The following RNF185 variants were observed in gnomAD, a reference collection of about 807,000 sequenced individuals.
RNF185 encodes E3 ubiquitin-protein ligase RNF185.
A neutral mutation model predicts 24.9 loss-of-function variants in RNF185; 13 were observed. The observed-to-expected ratio is 0.52, with a 90% confidence interval of 0.34 to 0.83. The LOEUF (loss-of-function observed/expected upper bound fraction) is 0.83, where lower values mean the gene tolerates loss of function less well. RNF185 is among the 40% of genes least tolerant of loss of function. The pLI is 0.01. For synonymous variants in RNF185, 79 were observed against 90.3 expected, an observed-to-expected ratio of 0.88 and a Z score of 0.71; for missense variants, 184 against 244.7, an observed-to-expected ratio of 0.75 and a Z score of 1.65.
At chr22:31,175,574 G>A (rs1480759723) in intron 1 of RNF185, among the ~76,000 whole-genome samples, 1 of 151,978 alleles carries the variant, frequency 6.6e-6, no homozygotes, top group Admixed American at 6.6e-5. Context: ...CTTCCCTGGG[G>A]GTATTCAGCA....
chr22:31,200,082 C>A (rs2048245918), intron 5 of RNF185, among the ~76,000 whole-genome samples: 1 of 152,206 alleles, frequency 6.6e-6, no homozygotes, highest in African/African-American at 2.4e-5. Context: ...GAAGGCCGGG[C>A]ACAGTGGCTC....
intron 1 of RNF185, among the ~76,000 whole-genome samples, chr22:31,160,775 C>T (rs1242406295): frequency 2.0e-5 from 3 of 152,164 alleles, no homozygotes; most frequent in Non-Finnish European, 4.4e-5. Context: ...TTTCTCGTCT[C>T]TAAAACGGGG....
intron 1 of RNF185, among the ~76,000 whole-genome samples, chr22:31,183,970 G>A (rs1191168004): frequency 0.025 from 22 of 874 alleles, no homozygotes; most frequent in Non-Finnish European, 0.043. Context: ...GTCCAGGCGG[G>A]GGCTGCCCCG....
chr22:31,195,129 T>A (rs2048193223), intron 3 of RNF185, among the ~76,000 whole-genome samples: 1 of 151,988 alleles, frequency 6.6e-6, no homozygotes, highest in African/African-American at 2.4e-5. Flanking sequence ...ATTTTTGTAT[T>A]TTTAGTAGAG....
intron 1 of RNF185, among the ~76,000 whole-genome samples, chr22:31,172,644 G>A (rs2047941489): frequency 6.7e-6 from 1 of 150,234 alleles, no homozygotes; most frequent in Non-Finnish European, 1.5e-5. Flanking sequence ...CGCTACTCAG[G>A]AGGCTGAGGC....
chr22:31,200,132 G>C (rs1452857796), intron 5 of RNF185, among the ~76,000 whole-genome samples: 1 of 152,138 alleles, frequency 6.6e-6, no homozygotes, highest in South Asian at 2.1e-4. Flanking sequence ...TGAGGTGGGA[G>C]GATCACTTGA....
At chr22:31,171,983 A>G (rs1437641346) in intron 1 of RNF185, among the ~76,000 whole-genome samples, 1 of 152,150 alleles carries the variant, frequency 6.6e-6, no homozygotes, top group Non-Finnish European at 1.5e-5. Flanking sequence ...AAAAGAAAGG[A>G]GAAGTGAGAT....
At chr22:31,168,525 A>T (rs1446396525) in intron 1 of RNF185, among the ~76,000 whole-genome samples, 1 of 152,212 alleles carries the variant, frequency 6.6e-6, no homozygotes, top group Non-Finnish European at 1.5e-5. Flanking sequence ...TACTGTGAAC[A>T]TTGATGTATA....
At chr22:31,181,865 G>A (rs2048040348) in intron 1 of RNF185, among the ~76,000 whole-genome samples, 1 of 139,638 alleles carries the variant, frequency 7.2e-6, no homozygotes, top group African/African-American at 2.5e-5. Flanking sequence ...GGGGTGGGGG[G>A]AGGGGGAAGG....
Position 31,187,145 on chromosome 22 carries a change from A to AG in RNF185, c.57dup (p.Pro20AlafsTer53), listed in dbSNP as rs1276879509. ...CTGCATCTCCTGAGAACTCCAGTGC[A>AG]GGGGGGCCCAGTGGGAGCAGCAATG... On this transcript the variant is annotated frameshift_variant, in exon 2 of 7. Transcript: ENST00000326132. LOFTEE classifies it high-confidence loss of function. 6.2e-7 allele frequency: 1 copy of AG among 1,613,496 alleles called. No homozygotes were observed.
intron 2 of RNF185, among the ~76,000 whole-genome samples, chr22:31,190,533 C>T (rs779150731): frequency 1.4e-4 from 22 of 151,750 alleles, no homozygotes; most frequent in Non-Finnish European, 2.6e-4. Flanking sequence ...GTGATCCAAC[C>T]GCCTCAGCCT....
chr22:31,171,150 G>GATTTATTTATTT (rs1344018155), intron 1 of RNF185, among the ~76,000 whole-genome samples: 21 of 71,400 alleles, frequency 2.9e-4, no homozygotes, highest in Admixed American at 5.5e-4. Flanking sequence ...GACCTTCTCT[G>GATTTATTTATTT]ATTTACTTAT....
At chr22:31,161,593 A>G (rs543051056) in intron 1 of RNF185, among the ~76,000 whole-genome samples, 1 of 152,364 alleles carries the variant, frequency 6.6e-6, no homozygotes, top group Non-Finnish European at 1.5e-5. Flanking sequence ...CTTTTTTCTA[A>G]GAACAAGTTG....
intron 1 of RNF185, among the ~76,000 whole-genome samples, chr22:31,174,223 G>T (rs769310027): frequency 3.3e-5 from 5 of 152,168 alleles, no homozygotes; most frequent in Non-Finnish European, 7.3e-5. Flanking sequence ...AAGTTGCAGA[G>T]CTGAGATTTG....
intron 1 of RNF185, among the ~76,000 whole-genome samples, chr22:31,165,294 T>A (rs1923850821): frequency 6.6e-6 from 1 of 152,178 alleles, no homozygotes; most frequent in African/African-American, 2.4e-5. Context: ...AAAAATTATA[T>A]CTCTCCTAGT....
intron 2 of RNF185, among the ~76,000 whole-genome samples, chr22:31,189,163 G>GTGTGTGTGTGTGTGTT: frequency 1.4e-5 from 2 of 140,464 alleles, no homozygotes; most frequent in Non-Finnish European, 3.0e-5. Context: ...GTGTGTGTGT[G>GTGTGTGTGTGTGTGTT]TTTGTGTTTG....
chr22:31,184,954 G>A (rs1484186978), intron 1 of RNF185, among the ~76,000 whole-genome samples: 1 of 148,622 alleles, frequency 6.7e-6, no homozygotes, highest in Non-Finnish European at 1.5e-5. Context: ...GGGAGGGGGA[G>A]GGAGAGCAAT....
At chr22:31,170,182 GT>G (rs762800753) in intron 1 of RNF185, among the ~76,000 whole-genome samples, 18 of 149,890 alleles carry the variant, frequency 1.2e-4, no homozygotes, top group South Asian at 2.1e-4. Context: ...GTGGTTTTTT[GT>G]TTTTTTTTTT....
intron 1 of RNF185, among the ~76,000 whole-genome samples, chr22:31,171,909 G>A (rs557528264): frequency 2.0e-5 from 3 of 151,888 alleles, no homozygotes; most frequent in Middle Eastern, 3.4e-3. Flanking sequence ...CGGAGGTTGC[G>A]GTGAGCCAAG....
Sources: gnomAD v4.1 joint callset for allele counts (sites outside exome capture counted in the v4.1 genomes callset) on GRCh38, gnomAD v4.1.1 for gene constraint, MANE v1.5 for transcripts, NCBI Gene and HGNC (gene_info 2026-07-23, HGNC 2026-07-21) for gene names.